Variants in GSK3B observed in about 807,000 individuals in gnomAD.
GSK3B encodes glycogen synthase kinase 3 beta, also known as glycogen synthase kinase-3 beta.
GSK3B carries 15 observed loss-of-function variants against 56.4 expected under a neutral mutation model. The observed-to-expected ratio is 0.27, with a 90% CI of 0.18 to 0.41. GSK3B has a LOEUF of 0.41. GSK3B is among the 10% of genes least tolerant of loss of function. The probability of loss-of-function intolerance (pLI) is 1.00; values close to 1 mark genes in which losing one functional copy is unlikely to be tolerated. For missense variants in GSK3B, 300 were observed against 513.4 expected, an observed-to-expected ratio of 0.58 and a Z score of 4.02; for synonymous variants, 181 against 188.9, an observed-to-expected ratio of 0.96 and a Z score of 0.34.
At chr3:119,932,934 C>T (rs1213200641) in intron 3 of GSK3B, among the ~76,000 whole-genome samples, 1 of 152,052 alleles carries the variant, frequency 6.6e-6, no homozygotes, top group African/African-American at 2.4e-5. Flanking sequence ...CCTGCCTCTA[C>T]TGAAAATACA....
At chr3:120,079,236 T>C (rs2058393932) in intron 1 of GSK3B, among the ~76,000 whole-genome samples, 1 of 149,508 alleles carries the variant, frequency 6.7e-6, no homozygotes, top group African/African-American at 2.5e-5. Flanking sequence ...CCACTGCACC[T>C]GGCCTGTCTC....
chr3:119,887,627 G>T (rs2056452854), intron 7 of GSK3B, among the ~76,000 whole-genome samples: 1 of 152,096 alleles, frequency 6.6e-6, no homozygotes, highest in Non-Finnish European at 1.5e-5. Context: ...ATGTACACAT[G>T]TGACTTGAGT....
chr3:119,886,428 T>C (rs781063507), intron 7 of GSK3B, among the ~76,000 whole-genome samples: 2 of 152,178 alleles, frequency 1.3e-5, no homozygotes, highest in Non-Finnish European at 2.9e-5. Context: ...GGAACACTTA[T>C]ATGCTATTGG....
At chr3:120,071,782 A>T (rs1447272065) in intron 1 of GSK3B, among the ~76,000 whole-genome samples, 1 of 152,170 alleles carries the variant, frequency 6.6e-6, no homozygotes, top group East Asian at 1.9e-4. Flanking sequence ...TGCTAAAACC[A>T]TCCACGCTCG....
At chr3:120,056,513 T>C (rs1251716226) in intron 1 of GSK3B, among the ~76,000 whole-genome samples, 1 of 152,164 alleles carries the variant, frequency 6.6e-6, no homozygotes, top group Non-Finnish European at 1.5e-5. Flanking sequence ...CTAATTTTTG[T>C]ATTTTTCGTA....
At chr3:120,050,949 T>C (rs2058143611) in intron 1 of GSK3B, among the ~76,000 whole-genome samples, 1 of 152,030 alleles carries the variant, frequency 6.6e-6, no homozygotes, top group African/African-American at 2.4e-5. Context: ...GGTAGAGAAG[T>C]GCTCTGCAGG....
intron 1 of GSK3B, among the ~76,000 whole-genome samples, chr3:120,038,111 G>A (rs1473937416): frequency 6.6e-6 from 1 of 152,142 alleles, no homozygotes; most frequent in East Asian, 1.9e-4. Flanking sequence ...GTCACAGCAA[G>A]TAAATAGCAA....
intron 2 of GSK3B, among the ~76,000 whole-genome samples, chr3:119,976,268 G>A (rs1268999425): frequency 1.3e-5 from 2 of 151,968 alleles, no homozygotes; most frequent in African/African-American, 4.8e-5. Flanking sequence ...ACAAAAACTT[G>A]ACACAAATAT....
intron 10 of GSK3B, among the ~76,000 whole-genome samples, chr3:119,841,473 T>C (rs1263769468): frequency 2.6e-5 from 4 of 152,220 alleles, no homozygotes; most frequent in Admixed American, 6.5e-5. Flanking sequence ...TTTTTCATGT[T>C]GTGAACAATT....
chr3:119,914,064 CT>C (rs1480489023), intron 5 of GSK3B, among the ~76,000 whole-genome samples: 4 of 152,010 alleles, frequency 2.6e-5, no homozygotes, highest in Non-Finnish European at 5.9e-5. Context: ...TTTTCACTAC[CT>C]GATGGAGCTA....
At chr3:120,042,234 A>G (rs1275915030) in intron 1 of GSK3B, among the ~76,000 whole-genome samples, 1 of 152,094 alleles carries the variant, frequency 6.6e-6, no homozygotes, top group Non-Finnish European at 1.5e-5. Flanking sequence ...TCCTCCTCCT[A>G]CTGTGATCTC....
At chr3:119,948,582 A>G (rs888632635) in intron 2 of GSK3B, among the ~76,000 whole-genome samples, 1 of 152,234 alleles carries the variant, frequency 6.6e-6, no homozygotes, top group African/African-American at 2.4e-5. Context: ...AACTAACAAA[A>G]GACTCTTAAG....
At chr3:120,035,320 C>T (rs1036399847) in intron 1 of GSK3B, among the ~76,000 whole-genome samples, 1 of 152,300 alleles carries the variant, frequency 6.6e-6, no homozygotes, top group South Asian at 2.1e-4. Context: ...TTCCCTAGAG[C>T]AGTCAGAGCC....
intron 9 of GSK3B, among the ~76,000 whole-genome samples, chr3:119,845,262 A>T (rs2055839488): frequency 6.6e-6 from 1 of 152,184 alleles, no homozygotes; most frequent in Non-Finnish European, 1.5e-5. Flanking sequence ...AGCACAAAAC[A>T]AGGGTGCCCT....
chr3:119,989,241 C>T (rs1317885186), intron 2 of GSK3B, among the ~76,000 whole-genome samples: 1 of 152,118 alleles, frequency 6.6e-6, no homozygotes, highest in Non-Finnish European at 1.5e-5. Context: ...TAAAATGGTA[C>T]CTGTTACAGG....
chr3:119,956,325 A>G (rs1024852610), intron 2 of GSK3B, among the ~76,000 whole-genome samples: 1 of 152,214 alleles, frequency 6.6e-6, no homozygotes, highest in African/African-American at 2.4e-5. Context: ...CTTATCCTCA[A>G]GGAGGTGTGG....
chr3:120,094,089 G>A lies in GSK3B; in HGVS notation c.-655C>T. The A allele has an allele frequency of 4.4e-6, 1 of 228,404 alleles. No homozygotes were observed. 14.1% of individuals were successfully genotyped at this position (228,404 alleles called of 1,614,324 possible). ...TCTCCTCATTGCGCCAGGAGCAGCT[G>A]CAGGCGGCGGCTGGATCCAGCGGCC... On this transcript the variant is annotated 5_prime_UTR_variant, in exon 1 of 11. An upstream open reading frame in the 5' UTR gains an earlier in-frame stop. Transcript: ENST00000264235.
chr3:119,956,146 C>A (rs1307391101), intron 2 of GSK3B, among the ~76,000 whole-genome samples: 1 of 152,182 alleles, frequency 6.6e-6, no homozygotes, highest in Non-Finnish European at 1.5e-5. Flanking sequence ...GAGGTGACAG[C>A]TATCAGGCTT....
intron 1 of GSK3B, among the ~76,000 whole-genome samples, chr3:120,069,316 A>G (rs879772254): frequency 4.6e-5 from 7 of 152,216 alleles, no homozygotes; most frequent in Admixed American, 4.6e-4. Context: ...AGAGTAGGGG[A>G]AAGGTTTCTC....
Sources: allele counts gnomAD v4.1 joint callset (sites outside exome capture counted in the v4.1 genomes callset), GRCh38; gene constraint gnomAD v4.1.1; transcripts MANE v1.5; gene names NCBI Gene and HGNC (gene_info 2026-07-23, HGNC 2026-07-21).